The following ETV6 variants were observed in gnomAD, a reference collection of about 807,000 sequenced individuals.
ETV6 encodes ETS variant transcription factor 6.
Under a neutral mutation model 51.1 loss-of-function variants are expected in ETV6, and 16 were observed. That is an observed-to-expected ratio of 0.31 (90% CI 0.21 to 0.48). The LOEUF (loss-of-function observed/expected upper bound fraction) is 0.48. Ranked by LOEUF, ETV6 falls within the 20% of genes least tolerant of loss-of-function variation. The pLI is 0.99. For missense variants in ETV6, 458 were observed against 594.8 expected (o/e 0.77, Z 2.39); for synonymous variants, 240 against 224.1 (o/e 1.07, Z -0.64).
At chr12:11,827,744 T>C (rs1488160002) in intron 2 of ETV6, among the ~76,000 whole-genome samples, 1 of 152,170 alleles carries the variant, frequency 6.6e-6, no homozygotes, top group Non-Finnish European at 1.5e-5. Flanking sequence ...CAGGTCCCAG[T>C]TCAGAATGAG....
At position 11,779,938 on chromosome 12, in the gene ETV6, G is replaced by A. The variant is rs535271695; in HGVS notation, c.163+27359G>A. Among the ~76,000 whole-genome samples, 7 of 152,286 alleles carry A rather than the reference G, an allele frequency of 4.6e-5. No individual in the cohort carries two copies. In the South Asian group the frequency reaches 1.2e-3, roughly 27 times the overall value. The stretch of plus-strand genomic sequence containing the variant: ...TTAAATGAGCTGATAAAATTTACAA[G>A]AAATAAAGCTTTATGCAATTACAAA... On this transcript the variant is annotated intron_variant, in intron 2 of 7. Transcript: ENST00000396373.
At chr12:11,719,178 C>T (rs1418104126) in intron 1 of ETV6, among the ~76,000 whole-genome samples, 2 of 152,188 alleles carry the variant, frequency 1.3e-5, no homozygotes, top group Admixed American at 6.5e-5. Flanking sequence ...CACGGGGAGC[C>T]GTATACTGGA....
chr12:11,805,674 A>C (rs1945818845), intron 2 of ETV6, among the ~76,000 whole-genome samples: 1 of 152,238 alleles, frequency 6.6e-6, no homozygotes, highest in Admixed American at 6.5e-5. Flanking sequence ...TCTACAGGGA[A>C]TGGAAAGCCC....
At chr12:11,783,139 G>A (rs1311579158) in intron 2 of ETV6, among the ~76,000 whole-genome samples, 1 of 152,072 alleles carries the variant, frequency 6.6e-6, no homozygotes, top group African/African-American at 2.4e-5. Context: ...CAGATGAGGA[G>A]CAAGGGATGG....
chr12:11,695,233 T>A (rs1169350831), intron 1 of ETV6, among the ~76,000 whole-genome samples: 4 of 152,194 alleles, frequency 2.6e-5, no homozygotes, highest in South Asian at 2.1e-4. Context: ...TTTCTCCACC[T>A]CACGTAATTA....
intron 1 of ETV6, among the ~76,000 whole-genome samples, chr12:11,735,414 A>T (rs762973327): frequency 5.9e-5 from 9 of 152,176 alleles, no homozygotes; most frequent in Admixed American, 1.3e-4. Flanking sequence ...GTATGGGGTG[A>T]GGCTGAAGAG....
At chr12:11,821,132 G>T (rs780281689) in intron 2 of ETV6, among the ~76,000 whole-genome samples, 1 of 152,082 alleles carries the variant, frequency 6.6e-6, no homozygotes, top group Non-Finnish European at 1.5e-5. Flanking sequence ...GGAGGCTGAG[G>T]TGGGCGGATC....
rs1340824844 is a variant in ETV6 at position 11,649,801 on chromosome 12, GGGC to G, written c.-324_-322del. On this transcript the variant is annotated 5_prime_UTR_variant, in exon 1 of 8. Transcript: ENST00000396373. ...CGAGGGAGAGCCGCGGGAGGGCGGGGGGCGGGGGCGCCGGCTGCGGGTGGGAGG... is the reference window on the plus strand; with the variant it reads ...CGAGGGAGAGCCGCGGGAGGGCGGGGGGGGGCGCCGGCTGCGGGTGGGAGG... 3 of 146,990 alleles carry G rather than the reference GGGC, an allele frequency of 2.0e-5. No homozygotes were observed. The highest frequency in any genetic ancestry group is 1.5e-5 in the Non-Finnish European group (1 of 66,230). 9.1% of individuals were successfully genotyped at this position (146,990 alleles called of 1,614,324 possible).
intron 5 of ETV6, among the ~76,000 whole-genome samples, chr12:11,875,916 G>A (rs1266673009): frequency 1.3e-5 from 2 of 152,160 alleles, no homozygotes; most frequent in Non-Finnish European, 2.9e-5. Flanking sequence ...AGATTGCATG[G>A]CCAGCAACAC....
intron 5 of ETV6, among the ~76,000 whole-genome samples, chr12:11,879,960 A>C (rs902371625): frequency 6.6e-6 from 1 of 151,990 alleles, no homozygotes; most frequent in Non-Finnish European, 1.5e-5. Context: ...AGGAACCTAA[A>C]GAGGATCTGC....
At chr12:11,767,936 T>C (rs939312837) in intron 2 of ETV6, among the ~76,000 whole-genome samples, 1 of 152,180 alleles carries the variant, frequency 6.6e-6, no homozygotes, top group Non-Finnish European at 1.5e-5. Flanking sequence ...ACTAGGATCA[T>C]GGGTTGAACG....
intron 1 of ETV6, among the ~76,000 whole-genome samples, chr12:11,742,927 C>T (rs1018401139): frequency 6.6e-6 from 1 of 151,948 alleles, no homozygotes; most frequent in Non-Finnish European, 1.5e-5. Flanking sequence ...CCACCTCAGC[C>T]TCCCAAGTAG....
intron 1 of ETV6, among the ~76,000 whole-genome samples, chr12:11,682,032 G>A (rs1179646618): frequency 6.6e-6 from 1 of 152,090 alleles, no homozygotes; most frequent in African/African-American, 2.4e-5. Context: ...ATAAACATAC[G>A]TGTGCATGTG....
chr12:11,883,276 CTTTTTTTTTTTTTTT>C lies in ETV6; in HGVS notation c.1010-1148_1010-1134del, dbSNP rs547786286. Among the ~76,000 whole-genome samples the C allele has an allele frequency of 1.5e-4, 12 of 79,118 alleles. 3 individuals are homozygous for C. Among genetic ancestry groups the C allele is most frequent in the South Asian group, 3.6e-4 (1 of 2,796 alleles). The allele number at this position is 79,118 out of a possible 152,430, so 51.9% of individuals were successfully genotyped here. A position where few individuals can be genotyped will look rare whatever the true frequency, so the allele number is the denominator to read the frequency against. ...GGGAAGGTGTACATCATGTCTTCTT[CTTTTTTTTTTTTTTT>C]TTTTTTTTTTTTTTTTTTTTGAGAC... On this transcript the variant is annotated intron_variant, in intron 5 of 7. Transcript: ENST00000396373.
intron 1 of ETV6, among the ~76,000 whole-genome samples, chr12:11,674,070 A>C (rs1454617587): frequency 6.6e-6 from 1 of 152,200 alleles, no homozygotes; most frequent in Non-Finnish European, 1.5e-5. Flanking sequence ...CATATTTGAC[A>C]CATTAGTTGG....
intron 1 of ETV6, among the ~76,000 whole-genome samples, chr12:11,693,162 C>G (rs1864799398): frequency 6.6e-6 from 1 of 152,068 alleles, no homozygotes; most frequent in Admixed American, 6.5e-5. Flanking sequence ...TGGTGGGAGA[C>G]AGTGTTGCAT....
intron 1 of ETV6, among the ~76,000 whole-genome samples, chr12:11,715,181 G>A (rs1046888138): frequency 1.3e-5 from 2 of 152,096 alleles, no homozygotes; most frequent in African/African-American, 2.4e-5. Context: ...ACGATATTAC[G>A]GAAATATAGG....
At position 11,790,641 on chromosome 12, in the gene ETV6, G is replaced by A. The variant is rs79869610; in HGVS notation, c.163+38062G>A. 2.3e-4 allele frequency among the ~76,000 whole-genome samples: 33 copies of A among 145,556 alleles called. No individual in the cohort carries two copies. In the South Asian group the frequency reaches 5.5e-3, roughly 24 times the overall value. On this transcript the variant is annotated intron_variant, in intron 2 of 7. Coordinates refer to ENST00000396373, the MANE Select transcript of ETV6 (RefSeq NM_001987.5). ...TCTTTTAATCTTTCATATAATTTCC[G>A]TTAATTCCACCTAGTCATTTTGGTA... is the stretch of plus-strand genomic sequence containing the variant.
chr12:11,660,518 G>A (rs1450313281), intron 1 of ETV6, among the ~76,000 whole-genome samples: 1 of 142,308 alleles, frequency 7.0e-6, no homozygotes, highest in Non-Finnish European at 1.5e-5. Context: ...AGAATCTCTT[G>A]AACCTGGAAG....
Sources: allele counts gnomAD v4.1 joint callset (sites outside exome capture counted in the v4.1 genomes callset), GRCh38; gene constraint gnomAD v4.1.1; transcripts MANE v1.5; gene names NCBI Gene and HGNC (gene_info 2026-07-23, HGNC 2026-07-21).